Variants in CNTNAP5 observed in about 807,000 individuals in gnomAD.
CNTNAP5 encodes the protein contactin associated protein family member 5, also known as contactin-associated protein-like 5.
A neutral mutation model predicts 150.2 loss-of-function variants in CNTNAP5; 72 were observed. The ratio of observed to expected loss-of-function variants is 0.48; its 90% CI spans 0.40 to 0.58. CNTNAP5 has a LOEUF of 0.58. Ranked by LOEUF, CNTNAP5 falls within the 20% of genes least tolerant of loss-of-function variation. The pLI is 0.00. For missense variants in CNTNAP5, 1,636 were observed against 1,626.2 expected (o/e 1.01, Z -0.10); for synonymous variants, 672 against 619.8 (o/e 1.08, Z -1.25).
chr2:124,207,650 G>T (rs561830778), intron 1 of CNTNAP5, among the ~76,000 whole-genome samples: 5 of 152,230 alleles, frequency 3.3e-5, no homozygotes, highest in Admixed American at 6.5e-5. Context: ...GCAATGAAAC[G>T]AAATTTTCCC....
chr2:124,029,025 G>A (rs191557867), intron 1 of CNTNAP5, among the ~76,000 whole-genome samples: 1 of 152,238 alleles, frequency 6.6e-6, no homozygotes, highest in Non-Finnish European at 1.5e-5. Context: ...TAAGTTGTGC[G>A]ATTATAAAGA....
intron 17 of CNTNAP5, among the ~76,000 whole-genome samples, chr2:124,786,494 AGGGAGGG>A: frequency 7.7e-6 from 1 of 130,106 alleles, no homozygotes; most frequent in African/African-American, 3.4e-5. Flanking sequence ...GAGGGAAGGA[AGGGAGGG>A]AAAGAAAAAG....
intron 3 of CNTNAP5, among the ~76,000 whole-genome samples, chr2:124,384,767 C>T (rs912837152): frequency 2.6e-5 from 4 of 152,182 alleles, no homozygotes; most frequent in Admixed American, 1.3e-4. Context: ...CCGCTTTGTT[C>T]TTCCTCTGTT....
At chr2:124,436,087 G>A (rs1425765581) in intron 5 of CNTNAP5, among the ~76,000 whole-genome samples, 2 of 152,174 alleles carry the variant, frequency 1.3e-5, no homozygotes, top group Non-Finnish European at 2.9e-5. Flanking sequence ...TTTCCAGAAA[G>A]GAGATCAGAT....
At chr2:124,396,743 G>A (rs1302485641) in intron 3 of CNTNAP5, among the ~76,000 whole-genome samples, 2 of 152,154 alleles carry the variant, frequency 1.3e-5, no homozygotes, top group African/African-American at 4.8e-5. Flanking sequence ...CTGGTAATGT[G>A]AACTAGGGCT....
At chr2:124,767,523 T>A in intron 16 of CNTNAP5, among the ~76,000 whole-genome samples, 1 of 152,174 alleles carries the variant, frequency 6.6e-6, no homozygotes, top group East Asian at 1.9e-4. Flanking sequence ...TCTGGCATAG[T>A]GGAAAGAAGC....
intron 16 of CNTNAP5, among the ~76,000 whole-genome samples, chr2:124,768,887 A>G (rs568685721): frequency 6.6e-6 from 1 of 152,326 alleles, no homozygotes; most frequent in Middle Eastern, 3.4e-3. Context: ...GAGATAGAAA[A>G]TGTGGCTGCC....
chr2:124,177,188 G>A (rs1327864086), intron 1 of CNTNAP5, among the ~76,000 whole-genome samples: 1 of 152,060 alleles, frequency 6.6e-6, no homozygotes, highest in South Asian at 2.1e-4. Context: ...CAGAAAGGCG[G>A]GAGGAAAGTT....
intron 13 of CNTNAP5, among the ~76,000 whole-genome samples, chr2:124,679,885 C>T (rs13399532): frequency 0.24 from 36,189 of 151,600 alleles, 4,975 homozygotes; most frequent in African/African-American, 0.37. Flanking sequence ...TACGGTTTGT[C>T]TTGAGTTCAA....
At chr2:124,604,890 T>C (rs1170198424) in intron 11 of CNTNAP5, among the ~76,000 whole-genome samples, 1 of 152,164 alleles carries the variant, frequency 6.6e-6, no homozygotes, top group African/African-American at 2.4e-5. Context: ...TCACATCCCA[T>C]GCTGTGTGAC....
At chr2:124,723,671 G>T (rs1680094711) in intron 13 of CNTNAP5, among the ~76,000 whole-genome samples, 2 of 152,114 alleles carry the variant, frequency 1.3e-5, no homozygotes, top group Admixed American at 6.6e-5. Context: ...CAGCAGGGTT[G>T]GTTTTACTCT....
intron 5 of CNTNAP5, among the ~76,000 whole-genome samples, chr2:124,445,684 G>A (rs1207873413): frequency 6.6e-6 from 1 of 152,198 alleles, no homozygotes; most frequent in Non-Finnish European, 1.5e-5. Context: ...GCTACCGCCT[G>A]CTGAATGTCA....
chr2:124,371,547 G>A (rs1211168295), intron 3 of CNTNAP5, among the ~76,000 whole-genome samples: 3 of 152,128 alleles, frequency 2.0e-5, no homozygotes, highest in African/African-American at 4.8e-5. Context: ...TTCTTATAGA[G>A]TTTAGTGTGC....
chr2:124,363,057 A>G (rs1269940779), intron 3 of CNTNAP5, among the ~76,000 whole-genome samples: 3 of 152,180 alleles, frequency 2.0e-5, no homozygotes, highest in Non-Finnish European at 4.4e-5. Context: ...CAAGCAACAC[A>G]CAAGTAAGTT....
At chr2:124,484,974 G>A (rs972687166) in intron 7 of CNTNAP5, among the ~76,000 whole-genome samples, 4 of 152,082 alleles carry the variant, frequency 2.6e-5, no homozygotes, top group African/African-American at 9.7e-5. Flanking sequence ...GAATCACCAG[G>A]ACGCCTAGTA....
chr2:124,455,379 A>G (rs747718638), intron 6 of CNTNAP5, among the ~76,000 whole-genome samples: 4 of 152,284 alleles, frequency 2.6e-5, no homozygotes, highest in Non-Finnish European at 4.4e-5. Flanking sequence ...ACAGACCAAT[A>G]ACAAGCAGCG....
At chr2:124,097,017 C>T (rs1399973135) in intron 1 of CNTNAP5, among the ~76,000 whole-genome samples, 7 of 151,856 alleles carry the variant, frequency 4.6e-5, no homozygotes, top group Non-Finnish European at 7.4e-5. Flanking sequence ...AATCTTTTAA[C>T]GTACTATTTT....
intron 3 of CNTNAP5, among the ~76,000 whole-genome samples, chr2:124,309,683 T>C (rs1019994521): frequency 6.6e-6 from 1 of 152,156 alleles, no homozygotes; most frequent in Non-Finnish European, 1.5e-5. Context: ...CTGGGGCCTT[T>C]AGCCAGAGCG....
chr2:124,343,159 A>T (rs1689659526), intron 3 of CNTNAP5, among the ~76,000 whole-genome samples: 1 of 152,182 alleles, frequency 6.6e-6, no homozygotes, highest in Non-Finnish European at 1.5e-5. Context: ...ATAATAAAAA[A>T]GCAATTGAAA....
Sources: allele counts gnomAD v4.1 joint callset (sites outside exome capture counted in the v4.1 genomes callset), GRCh38; gene constraint gnomAD v4.1.1; transcripts MANE v1.5; gene names NCBI Gene and HGNC (gene_info 2026-07-23, HGNC 2026-07-21).